The following NRXN3 variants were observed in gnomAD, a reference collection of about 807,000 sequenced individuals.
NRXN3 encodes the protein neurexin 3, also known as neurexin III.
In NRXN3, 32 loss-of-function variants were observed where a neutral mutation model predicts 137.6. The observed-to-expected ratio is 0.23, with a 90% CI of 0.18 to 0.31. The LOEUF (loss-of-function observed/expected upper bound fraction) is 0.31. Ranked by LOEUF, NRXN3 falls within the 10% of genes least tolerant of loss-of-function variation. The pLI is 1.00. For synonymous variants in NRXN3, 798 were observed against 784.5 expected (o/e 1.02, Z -0.29); for missense variants, 1,574 against 2,062.5 (o/e 0.76, Z 4.59).
At chr14:79,726,941 C>A (rs959250246) in intron 19 of NRXN3, among the ~76,000 whole-genome samples, 3 of 152,022 alleles carry the variant, frequency 2.0e-5, no homozygotes, top group African/African-American at 7.2e-5. Context: ...CAAGGAGAAG[C>A]CACGTGCTTT....
At chr14:78,847,080 C>G (rs1425034089) in intron 10 of NRXN3, among the ~76,000 whole-genome samples, 1 of 152,070 alleles carries the variant, frequency 6.6e-6, no homozygotes, top group African/African-American at 2.4e-5. Flanking sequence ...TAATCTTTTT[C>G]TTTCAGCACA....
At chr14:79,638,814 C>T (rs371157190) in intron 16 of NRXN3, among the ~76,000 whole-genome samples, 8 of 152,114 alleles carry the variant, frequency 5.3e-5, no homozygotes, top group East Asian at 1.9e-4. Flanking sequence ...GGCAGAGTAA[C>T]GGAGAAGGCG....
rs543322684 is a variant in NRXN3 at position 78,948,454 on chromosome 14, G to T, written c.2276-8788G>T. Among the ~76,000 whole-genome samples, 4 of 152,284 alleles carry T rather than the reference G, an allele frequency of 2.6e-5. No individual in the cohort carries two copies. The South Asian group carries it at 8.3e-4, about 32-fold the overall frequency. On this transcript the variant is annotated intron_variant, in intron 10 of 20. Coordinates refer to ENST00000335750, the MANE Select transcript of NRXN3 (RefSeq NM_001330195.2). ...CCCAAGGGCTGGCCATGCTTGAAGTGGGGGACCATCAAACTGTCTGAGCTC... is the reference window on the plus strand; with the variant it reads ...CCCAAGGGCTGGCCATGCTTGAAGTTGGGGACCATCAAACTGTCTGAGCTC...
chr14:78,738,625 C>G (rs895695538), intron 8 of NRXN3, among the ~76,000 whole-genome samples: 1 of 152,192 alleles, frequency 6.6e-6, no homozygotes, highest in Non-Finnish European at 1.5e-5. Context: ...AGGGAAAACT[C>G]TACGCATGAA....
chr14:79,275,023 A>G (rs2080066463), intron 15 of NRXN3, among the ~76,000 whole-genome samples: 1 of 152,224 alleles, frequency 6.6e-6, no homozygotes, highest in Non-Finnish European at 1.5e-5. Context: ...AATAGAAAAT[A>G]TAATCAAAAT....
chr14:79,624,790 C>CT (rs1567698949), intron 16 of NRXN3, among the ~76,000 whole-genome samples: 1 of 119,490 alleles, frequency 8.4e-6, no homozygotes, highest in African/African-American at 4.2e-5. Flanking sequence ...CTTTCTTTCC[C>CT]GTTTTTTTTT....
chr14:79,345,799 G>A (rs146908780), intron 15 of NRXN3, among the ~76,000 whole-genome samples: 1 of 152,156 alleles, frequency 6.6e-6, no homozygotes, highest in African/African-American at 2.4e-5. Flanking sequence ...GTTTTCTAAG[G>A]CCTCACCAGA....
At chr14:78,339,199 C>T (rs1384071812) in intron 4 of NRXN3, among the ~76,000 whole-genome samples, 1 of 152,136 alleles carries the variant, frequency 6.6e-6, no homozygotes, top group Non-Finnish European at 1.5e-5. Context: ...GAATCTTTAC[C>T]ACACGTGAGG....
At chr14:79,782,789 A>C (rs1465687013) in intron 19 of NRXN3, among the ~76,000 whole-genome samples, 2 of 152,258 alleles carry the variant, frequency 1.3e-5, no homozygotes, top group African/African-American at 2.4e-5. Context: ...GGAAGGAGAA[A>C]CCCATAGGGT....
chr14:79,181,543 C>T (rs1297581824), intron 15 of NRXN3, among the ~76,000 whole-genome samples: 3 of 151,856 alleles, frequency 2.0e-5, no homozygotes, highest in South Asian at 2.1e-4. Flanking sequence ...ATTAGCCGGG[C>T]GGATGAGGGT....
intron 15 of NRXN3, among the ~76,000 whole-genome samples, chr14:79,144,738 G>T (rs763680238): frequency 6.6e-6 from 1 of 152,104 alleles, no homozygotes; most frequent in Non-Finnish European, 1.5e-5. Context: ...TCCTGAACTA[G>T]AAATATGGTA....
chr14:78,645,005 T>C, intron 4 of NRXN3, 115 bp from the exon 5 acceptor site: 2 of 847,708 alleles, frequency 2.4e-6, no homozygotes, highest in Non-Finnish European at 3.5e-6. Context: ...AGTGCTGTGT[T>C]GGTATCAGCA....
chr14:79,496,216 C>A (rs1238717043), intron 16 of NRXN3, among the ~76,000 whole-genome samples: 2 of 139,496 alleles, frequency 1.4e-5, no homozygotes, highest in South Asian at 2.5e-4. Context: ...GAACTTAATT[C>A]TCTCTCTCTC....
At chr14:79,168,817 T>G (rs2061517937) in intron 15 of NRXN3, among the ~76,000 whole-genome samples, 1 of 152,096 alleles carries the variant, frequency 6.6e-6, no homozygotes, top group Middle Eastern at 3.2e-3. Context: ...TATGTGAAAT[T>G]TATCATGAAA....
chr14:79,383,234 T>C (rs1180937867), intron 15 of NRXN3, among the ~76,000 whole-genome samples: 3 of 152,120 alleles, frequency 2.0e-5, no homozygotes, highest in Non-Finnish European at 4.4e-5. Flanking sequence ...AGATTGGCAC[T>C]GTGGAAGTCA....
At chr14:78,427,560 C>T (rs909562360) in intron 4 of NRXN3, among the ~76,000 whole-genome samples, 6 of 152,062 alleles carry the variant, frequency 3.9e-5, no homozygotes, top group African/African-American at 9.7e-5. Flanking sequence ...AGGAGCCTTC[C>T]GAAGGAGGAG....
At chr14:79,442,084 C>T (rs1047465252) in intron 15 of NRXN3, among the ~76,000 whole-genome samples, 31 of 152,114 alleles carry the variant, frequency 2.0e-4, no homozygotes, top group African/African-American at 7.0e-4. Context: ...ATTTTAGATA[C>T]TTCATTAATT....
chr14:78,773,951 G>A (rs964989404), intron 8 of NRXN3, among the ~76,000 whole-genome samples: 5 of 152,122 alleles, frequency 3.3e-5, no homozygotes, highest in South Asian at 4.2e-4. Flanking sequence ...ACAGGCGCCC[G>A]CCACCACACC....
At chr14:78,791,328 A>G (rs755123560) in intron 8 of NRXN3, among the ~76,000 whole-genome samples, 1 of 152,130 alleles carries the variant, frequency 6.6e-6, no homozygotes, top group African/African-American at 2.4e-5. Flanking sequence ...AACAAAAATG[A>G]ACATGCAAAC....
Sources: allele counts gnomAD v4.1 joint callset (sites outside exome capture counted in the v4.1 genomes callset), GRCh38; gene constraint gnomAD v4.1.1; transcripts MANE v1.5; gene names NCBI Gene and HGNC (gene_info 2026-07-23, HGNC 2026-07-21).